Variants in DPY19L2 observed in about 807,000 individuals in gnomAD.
DPY19L2 encodes the protein dpy-19 like 2, also known as probable C-mannosyltransferase DPY19L2.
DPY19L2 carries 34 observed loss-of-function variants against 97.9 expected under a neutral mutation model. The ratio of observed to expected loss-of-function variants is 0.35; its 90% confidence interval spans 0.26 to 0.46. The LOEUF is 0.46. Ranked by LOEUF, DPY19L2 falls within the 20% of genes least tolerant of loss-of-function variation. The pLI is 1.00. For missense variants in DPY19L2, 623 were observed against 911.4 expected (o/e 0.68, Z 4.07); for synonymous variants, 230 against 307.9 (o/e 0.75, Z 2.65).
At chr12:63,630,377 C>G (rs1890382722) in intron 6 of DPY19L2, among the ~76,000 whole-genome samples, 1 of 151,846 alleles carries the variant, frequency 6.6e-6, no homozygotes, top group Non-Finnish European at 1.5e-5. Context: ...GGAAGATCTA[C>G]CAAGCAAATG....
At chr12:63,580,543 T>A in intron 19 of DPY19L2, 119 bp downstream of exon 19, 5 of 1,063,596 alleles carry the variant, frequency 4.7e-6, no homozygotes, top group Middle Eastern at 2.3e-4. Context: ...AATGCCTATT[T>A]GTAAATCTGT....
intron 6 of DPY19L2, among the ~76,000 whole-genome samples, chr12:63,629,566 T>A (rs1890207858): frequency 6.6e-6 from 1 of 152,070 alleles, no homozygotes. Context: ...TGGGACTATG[T>A]GAAAAGACCA....
chr12:63,626,881 C>A (rs1421814628), intron 6 of DPY19L2, among the ~76,000 whole-genome samples: 2 of 152,082 alleles, frequency 1.3e-5, no homozygotes, highest in African/African-American at 4.8e-5. Flanking sequence ...TGGGTTCCAA[C>A]GATTCTCCTG....
chr12:63,660,926 G>A (rs1335356766), intron 4 of DPY19L2: 4 of 152,340 alleles, frequency 2.6e-5, no homozygotes, highest in African/African-American at 9.6e-5. Flanking sequence ...ATAGATTTCT[G>A]GCTGTGTGAC....
chr12:63,596,338 ATG>A (rs977925058), intron 14 of DPY19L2, among the ~76,000 whole-genome samples: 102 of 152,228 alleles, frequency 6.7e-4, no homozygotes, highest in African/African-American at 2.3e-3. Context: ...AAGTTTTAAA[ATG>A]TGTGTCTACC....
intron 16 of DPY19L2, among the ~76,000 whole-genome samples, chr12:63,592,749 A>G (rs201849222): frequency 1.1e-4 from 16 of 151,520 alleles, no homozygotes; most frequent in African/African-American, 3.4e-4. Context: ...CATGTCTAAA[A>G]CACCAAAAGC....
chr12:63,646,249 T>C (rs542037579), intron 5 of DPY19L2, among the ~76,000 whole-genome samples: 4 of 152,282 alleles, frequency 2.6e-5, no homozygotes, highest in Non-Finnish European at 1.5e-5. Flanking sequence ...TTATCACTTA[T>C]TGGGAATGTA....
intron 16 of DPY19L2, among the ~76,000 whole-genome samples, chr12:63,589,651 T>G (rs1882535934): frequency 6.6e-6 from 1 of 152,034 alleles, no homozygotes; most frequent in Non-Finnish European, 1.5e-5. Flanking sequence ...AAAATTTTCA[T>G]GTTTTTCGTA....
chr12:63,595,081 C>G (rs889830928), intron 15 of DPY19L2, among the ~76,000 whole-genome samples: 13 of 152,306 alleles, frequency 8.5e-5, no homozygotes, highest in South Asian at 6.2e-4. Context: ...AGATACCTTT[C>G]TCACTCTTAA....
chr12:63,592,332 T>A (rs1162509477), intron 16 of DPY19L2, among the ~76,000 whole-genome samples: 2 of 150,820 alleles, frequency 1.3e-5, no homozygotes, highest in East Asian at 1.9e-4. Context: ...CATCACCAAG[T>A]CAATCCTAAG....
intron 3 of DPY19L2, 86 bp from the exon 4 acceptor site, chr12:63,661,567 G>GA (rs77582486): frequency 0.62 from 405,551 of 649,768 alleles, 88,826 homozygotes; most frequent in African/African-American, 0.73. Flanking sequence ...CTTTTTTTCT[G>GA]AAAAAAAAAA....
At chr12:63,663,329 A>C (rs1044429077) in intron 3 of DPY19L2, among the ~76,000 whole-genome samples, 1 of 152,166 alleles carries the variant, frequency 6.6e-6, no homozygotes, top group African/African-American at 2.4e-5. Context: ...TTATTTTAAA[A>C]TTATATAAAA....
intron 6 of DPY19L2, among the ~76,000 whole-genome samples, chr12:63,631,102 A>G (rs1229867962): frequency 6.6e-6 from 1 of 152,170 alleles, no homozygotes; most frequent in Non-Finnish European, 1.5e-5. Context: ...CTAAATGCCC[A>G]CAAGAGAAAG....
intron 6 of DPY19L2, among the ~76,000 whole-genome samples, chr12:63,633,094 C>A (rs1473911511): frequency 2.6e-5 from 4 of 152,094 alleles, no homozygotes; most frequent in Non-Finnish European, 5.9e-5. Flanking sequence ...AAACGTTAGA[C>A]CTAAAACCAT....
At chr12:63,607,077 C>G (rs932475553) in intron 12 of DPY19L2, among the ~76,000 whole-genome samples, 1 of 152,112 alleles carries the variant, frequency 6.6e-6, no homozygotes, top group African/African-American at 2.4e-5. Flanking sequence ...TTGGTTAAAT[C>G]TCAACTTTTC....
intron 21 of DPY19L2, among the ~76,000 whole-genome samples, chr12:63,566,010 C>T (rs1391107011): frequency 1.3e-5 from 2 of 152,098 alleles, no homozygotes; most frequent in African/African-American, 4.8e-5. Context: ...TTCAGCTTTT[C>T]TAATGTTTAC....
At chr12:63,574,437 G>A (rs1166903506) in intron 19 of DPY19L2, among the ~76,000 whole-genome samples, 1 of 151,794 alleles carries the variant, frequency 6.6e-6, no homozygotes, top group African/African-American at 2.4e-5. Context: ...AACAAATAAC[G>A]AAATGGCAGG....
At chr12:63,564,927 G>A (rs1368950472) in intron 21 of DPY19L2, among the ~76,000 whole-genome samples, 1 of 151,962 alleles carries the variant, frequency 6.6e-6, no homozygotes, top group Admixed American at 6.6e-5. Context: ...TAAATGTTCA[G>A]GGTTGCTACA....
chr12:63,625,126 G>C (rs775287614), intron 7 of DPY19L2, among the ~76,000 whole-genome samples: 3 of 152,082 alleles, frequency 2.0e-5, no homozygotes, highest in African/African-American at 2.4e-5. Flanking sequence ...GCTTGGCATG[G>C]TGGCTCACGC....
Sources: allele counts gnomAD v4.1 joint callset (sites outside exome capture counted in the v4.1 genomes callset), GRCh38; gene constraint gnomAD v4.1.1; transcripts MANE v1.5; gene names NCBI Gene and HGNC (gene_info 2026-07-23, HGNC 2026-07-21).